UTRN: variants seen among roughly 807,000 people sequenced by gnomAD.
UTRN encodes the protein dystrophin-related protein 1.
Under a neutral mutation model 463.9 loss-of-function variants are expected in UTRN, and 283 were observed. The ratio of observed to expected loss-of-function variants is 0.61; its 90% confidence interval spans 0.55 to 0.67. The LOEUF (loss-of-function observed/expected upper bound fraction) is 0.67, where lower values mean the gene tolerates loss of function less well. Ranked by LOEUF, UTRN falls within the 30% of genes least tolerant of loss-of-function variation. UTRN has a pLI of 0.00. For synonymous variants in UTRN, 1,442 were observed against 1,431.5 expected (o/e 1.01, Z -0.17); for missense variants, 3,922 against 4,084.3 (o/e 0.96, Z 1.08).
chr6:144,695,430 G>A (rs539451185), intron 52 of UTRN, among the ~76,000 whole-genome samples: 3 of 150,848 alleles, frequency 2.0e-5, no homozygotes, highest in South Asian at 2.1e-4. Context: ...TGCAACCTCC[G>A]CCTCCTGGGT....
At chr6:144,300,178 CTCCTAGGA>C (rs1399155910) in intron 2 of UTRN, among the ~76,000 whole-genome samples, 1 of 151,870 alleles carries the variant, frequency 6.6e-6, no homozygotes, top group Non-Finnish European at 1.5e-5. Context: ...CAACCTCTGC[CTCCTAGGA>C]TCAAGTGATT....
chr6:144,546,212 C>T (rs1429378104), intron 46 of UTRN, among the ~76,000 whole-genome samples: 2 of 152,132 alleles, frequency 1.3e-5, no homozygotes, highest in East Asian at 1.9e-4. Context: ...CCTTCTACTT[C>T]ACTAGCTGCC....
intron 2 of UTRN, among the ~76,000 whole-genome samples, chr6:144,370,359 AT>A (rs1229757236): frequency 6.6e-6 from 1 of 152,182 alleles, no homozygotes; most frequent in Non-Finnish European, 1.5e-5. Flanking sequence ...CAGGCCGTTG[AT>A]TCAAAGGGTG....
intron 23 of UTRN, 112 bp from the exon 24 acceptor site, chr6:144,473,608 C>A: frequency 3.3e-6 from 2 of 609,128 alleles, no homozygotes; most frequent in Non-Finnish European, 5.6e-6. Flanking sequence ...TAAATGAAAG[C>A]GATGCTATCG....
chr6:144,439,566 C>T (rs1258667694), intron 12 of UTRN, among the ~76,000 whole-genome samples: 1 of 152,110 alleles, frequency 6.6e-6, no homozygotes, highest in Admixed American at 6.6e-5. Flanking sequence ...AATCTCAGCT[C>T]ACTGCACCCT....
Position 144,771,977 on chromosome 6 carries a change from T to C in UTRN, c.8557+9T>C. The stretch of plus-strand genomic sequence containing the variant: ...ACTCTTTCAATCCCTTGGTAAGTGT[T>C]ATTAATAGTAATAAATTAACCTAAA... On this transcript the variant is annotated intron_variant, in intron 59 of 74. Transcript: ENST00000367545. 6.6e-7 allele frequency: 1 copy of C among 1,516,788 alleles called. No individual in the cohort carries two copies. The highest frequency in any genetic ancestry group is 8.9e-7 in the Non-Finnish European group (1 of 1,124,890). 94.0% of individuals were successfully genotyped at this position (1,516,788 alleles called of 1,614,324 possible).
At position 144,286,336 on chromosome 6, in the gene UTRN, G is replaced by A. The variant is rs1356893979; in HGVS notation, c.-93+515G>A. On this transcript the variant is annotated intron_variant, in intron 1 of 74. Transcript: ENST00000367545. This position sits in a 1 kb window ranked among gnomAD's most constrained non-coding sequence, Gnocchi z 4.4. ...GCAGAGGGTGGCTGTGTGGTCGGCG[G>A]CCAGCGGAGCGCTTCCCAGCCAGCC... Among the ~76,000 whole-genome samples the A allele has an allele frequency of 1.3e-5, 2 of 152,142 alleles. No individual in the cohort carries two copies. Among genetic ancestry groups the A allele is most frequent in the African/African-American group, 4.8e-5 (2 of 41,444 alleles).
intron 64 of UTRN, among the ~76,000 whole-genome samples, 192 bp downstream of exon 64, chr6:144,798,182 T>C (rs951790090): frequency 6.6e-6 from 1 of 152,210 alleles, no homozygotes; most frequent in Admixed American, 6.5e-5. Flanking sequence ...TATTTTATTA[T>C]TGTTGCTATT....
chr6:144,824,640 G>A lies in UTRN; in HGVS notation c.9495-2708G>A, dbSNP rs1271327831. ...TTTTTTTTTTTTTTTTTTTTTTTGAGACGGGGTCCAGTTCTGTTTCCCAGG... is the reference window on the plus strand; with the variant it reads ...TTTTTTTTTTTTTTTTTTTTTTTGAAACGGGGTCCAGTTCTGTTTCCCAGG... On this transcript the variant is annotated intron_variant, in intron 66 of 74. Coordinates refer to ENST00000367545, the MANE Select transcript of UTRN (RefSeq NM_007124.3). 3.5e-3 allele frequency among the ~76,000 whole-genome samples: 86 copies of A among 24,802 alleles called. 1 individual carries two copies. Among genetic ancestry groups the A allele is most frequent in the African/African-American group, 0.019 (83 of 4,422 alleles). 16.3% of individuals were successfully genotyped at this position (24,802 alleles called of 152,430 possible). A position where few individuals can be genotyped will look rare whatever the true frequency, so the allele number is the denominator to read the frequency against.
At chr6:144,362,055 T>G (rs1456291800) in intron 2 of UTRN, among the ~76,000 whole-genome samples, 2 of 152,034 alleles carry the variant, frequency 1.3e-5, no homozygotes, top group Non-Finnish European at 2.9e-5. Context: ...AAAAAAGGAG[T>G]AAAATAGAGT....
chr6:144,309,030 A>C (rs187309650), intron 2 of UTRN, among the ~76,000 whole-genome samples: 76 of 152,294 alleles, frequency 5.0e-4, no homozygotes, highest in Admixed American at 7.8e-4. Context: ...CTTGTTGCTA[A>C]ATCCAGTAGC....
intron 3 of UTRN, among the ~76,000 whole-genome samples, chr6:144,421,166 C>A (rs1784802685): frequency 6.6e-6 from 1 of 152,042 alleles, no homozygotes; most frequent in Non-Finnish European, 1.5e-5. Context: ...ACCGCCATGC[C>A]CGGCTAATTT....
chr6:144,423,170 T>C (rs1473402497), intron 4 of UTRN, among the ~76,000 whole-genome samples: 1 of 152,228 alleles, frequency 6.6e-6, no homozygotes, highest in East Asian at 1.9e-4. Context: ...CATAGAGCAC[T>C]GGTTTCCAAA....
intron 69 of UTRN, 149 bp from the exon 70 acceptor site, chr6:144,835,631 G>T: frequency 1.0e-6 from 1 of 967,788 alleles, no homozygotes. Flanking sequence ...TCTTCCTAGA[G>T]TTTTAAAAGG....
chr6:144,532,328 G>A (rs1190504699), intron 42 of UTRN, among the ~76,000 whole-genome samples: 2 of 152,156 alleles, frequency 1.3e-5, no homozygotes, highest in Non-Finnish European at 2.9e-5. Flanking sequence ...AAAGGAAAGA[G>A]GTTTAATTGA....
intron 2 of UTRN, among the ~76,000 whole-genome samples, chr6:144,320,817 T>A (rs1226811784): frequency 1.3e-5 from 2 of 152,280 alleles, no homozygotes; most frequent in African/African-American, 2.4e-5. Context: ...GTGCCTCATT[T>A]AATACTGGGA....
chr6:144,456,042 T>G (rs964484123), intron 19 of UTRN, among the ~76,000 whole-genome samples: 1 of 152,190 alleles, frequency 6.6e-6, no homozygotes, highest in Non-Finnish European at 1.5e-5. Context: ...ATTGGTGGAA[T>G]TAGAAATGCA....
chr6:144,612,805 A>T (rs1431317823), intron 51 of UTRN, among the ~76,000 whole-genome samples: 1 of 152,108 alleles, frequency 6.6e-6, no homozygotes, highest in Non-Finnish European at 1.5e-5. Flanking sequence ...AGGTTCTTAA[A>T]AAGGTAAAAA....
At chr6:144,754,650 C>CA (rs1238564514) in intron 56 of UTRN, 70 bp from the exon 57 acceptor site, 1 of 1,489,192 alleles carries the variant, frequency 6.7e-7, no homozygotes, top group Non-Finnish European at 9.2e-7. Flanking sequence ...GTCTTTAAAG[C>CA]AAAAATATTA....
Sources: allele counts gnomAD v4.1 joint callset (sites outside exome capture counted in the v4.1 genomes callset), GRCh38; gene constraint gnomAD v4.1.1; non-coding constraint Gnocchi (gnomAD v3.1); transcripts MANE v1.5; gene names NCBI Gene and HGNC (gene_info 2026-07-23, HGNC 2026-07-21).